Variants in OTOGL observed in about 807,000 individuals in gnomAD.
OTOGL encodes otogelin like.
A neutral mutation model predicts 318.5 loss-of-function variants in OTOGL; 285 were observed. The ratio of observed to expected loss-of-function variants is 0.89; its 90% CI spans 0.81 to 0.99. The LOEUF (loss-of-function observed/expected upper bound fraction) is 0.99, where lower values mean the gene tolerates loss of function less well. OTOGL is among the 50% of genes least tolerant of loss of function. The probability of loss-of-function intolerance (pLI) is 0.00; values close to 1 mark genes in which losing one functional copy is unlikely to be tolerated. For missense variants in OTOGL, 2,899 were observed against 2,845.6 expected (o/e 1.02, Z -0.43); for synonymous variants, 987 against 936.5 (o/e 1.05, Z -0.99).
intron 44 of OTOGL, among the ~76,000 whole-genome samples, chr12:80,348,841 C>T (rs991101942): frequency 6.6e-6 from 1 of 152,124 alleles, no homozygotes; most frequent in Admixed American, 6.6e-5. Flanking sequence ...GCTGTTTCCC[C>T]AGCTGGAATA....
chr12:80,232,853 T>G lies in OTOGL; in HGVS notation c.612-39T>G, dbSNP rs768054600. On this transcript the variant is annotated intron_variant, in intron 8 of 58. Coordinates refer to ENST00000547103, the MANE Select transcript of OTOGL (RefSeq NM_001378609.3). ...AATATGTCATCTGTAATTGAGACTT[T>G]ATCATCATTCTTAGATAGCTTTTGT... is the stretch of plus-strand genomic sequence containing the variant. 6.7e-6 allele frequency: 10 copies of G among 1,499,762 alleles called. No individual in the cohort carries two copies. In the South Asian group the frequency reaches 9.2e-5, roughly 14 times the overall value. 92.9% of individuals were successfully genotyped at this position (1,499,762 alleles called of 1,614,324 possible).
chr12:80,323,866 T>C, intron 35 of OTOGL, 26 bp downstream of exon 35: 2 of 1,544,984 alleles, frequency 1.3e-6, no homozygotes, highest in Non-Finnish European at 1.8e-6. Context: ...CAATAAGTGA[T>C]CAAAGTCCAG....
chr12:80,217,161 C>G (rs1312481224), intron 4 of OTOGL, among the ~76,000 whole-genome samples: 2 of 151,982 alleles, frequency 1.3e-5, no homozygotes, highest in African/African-American at 4.8e-5. Flanking sequence ...CCAAACCTAT[C>G]TGCGCCTGGA....
chr12:80,326,708 GAAAT>G (rs749014219), intron 35 of OTOGL, among the ~76,000 whole-genome samples: 44 of 152,218 alleles, frequency 2.9e-4, no homozygotes, highest in Non-Finnish European at 4.4e-4. Flanking sequence ...TTCATTTTAT[GAAAT>G]AAATAATTAG....
intron 1 of OTOGL, among the ~76,000 whole-genome samples, chr12:80,155,673 T>C (rs1264739898): frequency 6.6e-6 from 1 of 152,262 alleles, no homozygotes; most frequent in Non-Finnish European, 1.5e-5. Flanking sequence ...TATTATTGAC[T>C]ATAGTCACCC....
intron 24 of OTOGL, among the ~76,000 whole-genome samples, chr12:80,275,469 T>C (rs1379794595): frequency 6.6e-6 from 1 of 151,880 alleles, no homozygotes. Context: ...AAAAAAGTGG[T>C]TTCTTGAGAT....
chr12:80,160,872 GT>G (rs1873464853), intron 1 of OTOGL, among the ~76,000 whole-genome samples: 7 of 152,014 alleles, frequency 4.6e-5, no homozygotes, highest in Admixed American at 6.6e-5. Context: ...AGAAATTGTG[GT>G]ATATATACAA....
intron 1 of OTOGL, among the ~76,000 whole-genome samples, chr12:80,149,031 T>C (rs1282547701): frequency 6.6e-6 from 1 of 152,210 alleles, no homozygotes; most frequent in Non-Finnish European, 1.5e-5. Context: ...AATTTGATCG[T>C]CTGAAGCCTT....
chr12:80,195,521 G>A (rs1026945911), intron 1 of OTOGL, among the ~76,000 whole-genome samples: 5 of 152,184 alleles, frequency 3.3e-5, no homozygotes, highest in African/African-American at 1.2e-4. Context: ...AAATAGGCTG[G>A]TTAGTAGAAT....
chr12:80,172,956 C>A (rs940674724), intron 1 of OTOGL, among the ~76,000 whole-genome samples: 2 of 152,062 alleles, frequency 1.3e-5, no homozygotes, highest in African/African-American at 4.8e-5. Context: ...GAGGAGGGAG[C>A]ACATCAGGAA....
At chr12:80,201,137 T>G (rs1876424759) in intron 1 of OTOGL, among the ~76,000 whole-genome samples, 1 of 152,178 alleles carries the variant, frequency 6.6e-6, no homozygotes. Context: ...ACTGGATGCT[T>G]TCTTCTAGGC....
chr12:80,204,985 A>T (rs961423295), intron 1 of OTOGL, among the ~76,000 whole-genome samples: 43 of 152,214 alleles, frequency 2.8e-4, no homozygotes, highest in African/African-American at 1.0e-3. Context: ...ATTCAAAATT[A>T]CAAAATCCAT....
chr12:80,367,390 C>T (rs1213950330), intron 53 of OTOGL, among the ~76,000 whole-genome samples, 171 bp from the exon 54 acceptor site: 2 of 152,038 alleles, frequency 1.3e-5, no homozygotes, highest in Non-Finnish European at 2.9e-5. Flanking sequence ...TAGTGTACTA[C>T]ATTTTTAAGT....
intron 1 of OTOGL, among the ~76,000 whole-genome samples, chr12:80,160,411 C>G (rs1873429716): frequency 6.6e-6 from 1 of 151,968 alleles, no homozygotes; most frequent in South Asian, 2.1e-4. Flanking sequence ...ACAATCCCAT[C>G]AAAAAGTGGA....
intron 8 of OTOGL, among the ~76,000 whole-genome samples, chr12:80,231,997 C>G (rs1210727505): frequency 6.6e-6 from 1 of 151,892 alleles, no homozygotes; most frequent in Non-Finnish European, 1.5e-5. Flanking sequence ...AGTACTTACT[C>G]TTTTTGGCAG....
At chr12:80,287,475 A>C (rs6539497) in intron 26 of OTOGL, among the ~76,000 whole-genome samples, 138,034 of 151,070 alleles carry the variant, frequency 0.91, 63,190 homozygotes, top group Admixed American at 0.94. Context: ...TCTTGTTGAT[A>C]TGTCTCATAT....
intron 1 of OTOGL, among the ~76,000 whole-genome samples, chr12:80,131,497 A>T (rs546550011): frequency 1.1e-4 from 17 of 152,184 alleles, no homozygotes; most frequent in Non-Finnish European, 2.2e-4. Flanking sequence ...ATGAAAGATG[A>T]TATTGACCAA....
intron 1 of OTOGL, among the ~76,000 whole-genome samples, chr12:80,170,713 C>T (rs924817615): frequency 2.8e-4 from 43 of 152,094 alleles, no homozygotes; most frequent in Non-Finnish European, 5.3e-4. Context: ...GGATTACAGG[C>T]GTGAGCCACT....
At chr12:80,354,292 G>A (rs1267640023) in intron 46 of OTOGL, among the ~76,000 whole-genome samples, 1 of 152,172 alleles carries the variant, frequency 6.6e-6, no homozygotes, top group African/African-American at 2.4e-5. Flanking sequence ...GTACAAGGCA[G>A]GAGAAAAACC....
Sources: gnomAD v4.1 joint callset for allele counts (sites outside exome capture counted in the v4.1 genomes callset) on GRCh38, gnomAD v4.1.1 for gene constraint, MANE v1.5 for transcripts, NCBI Gene and HGNC (gene_info 2026-07-23, HGNC 2026-07-21) for gene names.